PLEKHA5: variants seen among roughly 807,000 people sequenced by gnomAD.
PLEKHA5 encodes pleckstrin homology domain containing A5, also known as pleckstrin homology domain-containing family A member 5.
PLEKHA5 carries 55 observed loss-of-function variants against 181.9 expected under a neutral mutation model. The ratio of observed to expected loss-of-function variants is 0.30; its 90% CI spans 0.24 to 0.38. The LOEUF is 0.38. PLEKHA5 is among the 10% of genes least tolerant of loss of function. PLEKHA5 has a pLI of 1.00. For synonymous variants in PLEKHA5, 535 were observed against 529.4 expected (o/e 1.01, Z -0.15); for missense variants, 1,432 against 1,549.5 (o/e 0.92, Z 1.27).
chr12:19,239,526 G>GT (rs1565504159), intron 3 of PLEKHA5, among the ~76,000 whole-genome samples: 1 of 152,198 alleles, frequency 6.6e-6, no homozygotes, highest in Non-Finnish European at 1.5e-5. Context: ...TAAATTAGGT[G>GT]TTATGTGCAT....
At position 19,369,687 on chromosome 12, in the gene PLEKHA5, T is replaced by C; in HGVS notation, c.3755-6T>C. On this transcript the variant is annotated splice_polypyrimidine_tract_variant and splice_region_variant and intron_variant, in intron 30 of 31. Transcript: ENST00000429027. ...TATCTTCTCCCATTTTCTTTGTGTG[T>C]TTTAGTGAAAAGTCTGTCCCCATCT... 6.3e-7 allele frequency: 1 copy of C among 1,583,958 alleles called. No homozygotes were observed. Among genetic ancestry groups the C allele is most frequent in the Non-Finnish European group, 8.6e-7 (1 of 1,158,422 alleles).
chr12:19,246,038 G>A (rs548613790), intron 3 of PLEKHA5, among the ~76,000 whole-genome samples: 51 of 150,100 alleles, frequency 3.4e-4, no homozygotes, highest in African/African-American at 1.2e-3. Flanking sequence ...TAGTGTAGTG[G>A]CATGATCTTG....
At chr12:19,343,967 G>T (rs536268846) in intron 22 of PLEKHA5, among the ~76,000 whole-genome samples, 2 of 151,786 alleles carry the variant, frequency 1.3e-5, no homozygotes, top group East Asian at 1.9e-4. Context: ...CAGGAGAATC[G>T]CTTGAACCCG....
intron 21 of PLEKHA5, among the ~76,000 whole-genome samples, chr12:19,341,558 T>C (rs936817412): frequency 1.3e-5 from 2 of 152,112 alleles, no homozygotes; most frequent in Non-Finnish European, 1.5e-5. Flanking sequence ...TTTTTTACTT[T>C]TTGATGCTTC....
At chr12:19,191,936 T>A (rs1366783058) in intron 3 of PLEKHA5, among the ~76,000 whole-genome samples, 1 of 152,138 alleles carries the variant, frequency 6.6e-6, no homozygotes, top group Non-Finnish European at 1.5e-5. Flanking sequence ...GCTTTGGGTG[T>A]CACTTTTGTC....
At chr12:19,178,272 C>G (rs1416831342) in intron 3 of PLEKHA5, among the ~76,000 whole-genome samples, 1 of 152,188 alleles carries the variant, frequency 6.6e-6, no homozygotes, top group Non-Finnish European at 1.5e-5. Context: ...TTTGATTTTT[C>G]TCTTGTACAT....
In PLEKHA5 at chr12:19,260,940, T is replaced by C; in HGVS notation, c.538-9T>C. ...AGAAATAATCCTTAAATATGCTGATTTAATCCAGGACAGTACTGGCATGAA... is the reference window on the plus strand; with the variant it reads ...AGAAATAATCCTTAAATATGCTGATCTAATCCAGGACAGTACTGGCATGAA... On this transcript the variant is annotated splice_polypyrimidine_tract_variant and intron_variant, in intron 6 of 31. Transcript: ENST00000429027. The C allele has an allele frequency of 6.6e-7, 1 of 1,523,186 alleles. No individual in the cohort carries two copies. Among genetic ancestry groups the C allele is most frequent in the Non-Finnish European group, 9.0e-7 (1 of 1,114,224 alleles). 94.4% of individuals were successfully genotyped at this position (1,523,186 alleles called of 1,614,324 possible).
rs1338202660 is a variant in PLEKHA5 at position 19,287,499 on chromosome 12, A to G, written c.1806A>G (p.Ser602=). Residue 602 remains serine (S), a synonymous_variant, in exon 13 of 32, where the codon TCA becomes TCG. Coordinates refer to ENST00000429027, the MANE Select transcript of PLEKHA5 (RefSeq NM_001256470.2). ...PKHVYVPDRR[S]VPAGLTLQSV... is the part of the protein sequence containing the mutation. ...ATGTCTATGTGCCTGACAGAAGGTC[A>G]GTGCCAGCTGGCCTGACTTTACAGT... is the stretch of plus-strand genomic sequence containing the variant. 16 of 1,611,230 alleles carry G rather than the reference A, an allele frequency of 9.9e-6. No individual in the cohort carries two copies. The highest frequency in any genetic ancestry group is 2.2e-5 in the East Asian group (1 of 44,864).
chr12:19,225,836 G>T (rs1360629242), intron 3 of PLEKHA5, among the ~76,000 whole-genome samples: 1 of 152,144 alleles, frequency 6.6e-6, no homozygotes, highest in Non-Finnish European at 1.5e-5. Context: ...AGTCTTCTTA[G>T]AGGGCTGGAA....
At chr12:19,322,710 A>G in intron 20 of PLEKHA5, 43 bp downstream of exon 20, 1 of 1,406,208 alleles carries the variant, frequency 7.1e-7, no homozygotes, top group Admixed American at 1.9e-5. Context: ...TAGCTTAAAT[A>G]TGTAGTTCTA....
chr12:19,167,627 C>G (rs955316114), intron 3 of PLEKHA5, among the ~76,000 whole-genome samples: 8 of 151,958 alleles, frequency 5.3e-5, no homozygotes, highest in African/African-American at 1.9e-4. Flanking sequence ...TTGGCCTCTA[C>G]TGTGCACTAG....
Position 19,348,477 on chromosome 12 carries a change from A to G in PLEKHA5, c.2977A>G (p.Lys993Glu), listed in dbSNP as rs1292747284. Residue 993 changes from lysine to glutamate, a missense_variant, in exon 25 of 32, where the codon AAA becomes GAA. Physicochemically the swap from Lys to Glu is moderately conservative, Grantham distance 56. This residue lies in a region of PLEKHA5 where 1,143 missense variants were observed against 1,168.4 expected (regional missense o/e 0.98). Coordinates refer to ENST00000429027, the MANE Select transcript of PLEKHA5 (RefSeq NM_001256470.2). The part of the protein sequence containing the change: ...AEVDESNGEE[K>E]SEPVSEIETS... ...AGTTGATGAATCTAATGGAGAAGAA[A>G]AATCAGAACCTGTTTCAGAGATAGA... 1 of 1,585,908 alleles carries G rather than the reference A, an allele frequency of 6.3e-7. No individual in the cohort carries two copies. Among genetic ancestry groups the G allele is most frequent in the Non-Finnish European group, 8.5e-7 (1 of 1,169,784 alleles).
At chr12:19,374,006 G>C (rs2095651969) in intron 31 of PLEKHA5, among the ~76,000 whole-genome samples, 1 of 152,090 alleles carries the variant, frequency 6.6e-6, no homozygotes, top group South Asian at 2.1e-4. Flanking sequence ...ATATTTTCTA[G>C]TCTCATGGTA....
At chr12:19,254,475 A>T (rs2066286818) in intron 4 of PLEKHA5, among the ~76,000 whole-genome samples, 1 of 152,184 alleles carries the variant, frequency 6.6e-6, no homozygotes, top group African/African-American at 2.4e-5. Context: ...ATTCATTTTT[A>T]ATTTTTCAGT....
intron 3 of PLEKHA5, among the ~76,000 whole-genome samples, chr12:19,174,638 A>G (rs2046763879): frequency 1.3e-5 from 2 of 152,132 alleles, no homozygotes; most frequent in South Asian, 4.1e-4. Flanking sequence ...ATGAGCTGAT[A>G]CTTTGAGGGC....
chr12:19,349,738 CAG>C (rs1491499337), intron 25 of PLEKHA5, among the ~76,000 whole-genome samples: 6 of 140,274 alleles, frequency 4.3e-5, no homozygotes, highest in Non-Finnish European at 9.2e-5. Context: ...CAACCAGAAA[CAG>C]AAAAAAAAAA....
At chr12:19,366,350 A>C (rs1055203514) in intron 30 of PLEKHA5, among the ~76,000 whole-genome samples, 4 of 152,150 alleles carry the variant, frequency 2.6e-5, no homozygotes, top group Admixed American at 2.0e-4. Flanking sequence ...CACATAGAGT[A>C]AACTTTTTCT....
At chr12:19,183,653 G>A (rs2049119080) in intron 3 of PLEKHA5, among the ~76,000 whole-genome samples, 1 of 152,180 alleles carries the variant, frequency 6.6e-6, no homozygotes, top group Non-Finnish European at 1.5e-5. Context: ...CCATCTCTTG[G>A]TGTTTCAAGG....
chr12:19,357,846 C>T (rs908772260), intron 26 of PLEKHA5, among the ~76,000 whole-genome samples: 1 of 151,406 alleles, frequency 6.6e-6, no homozygotes, highest in Non-Finnish European at 1.5e-5. Flanking sequence ...TACCATGTTG[C>T]CCAGGCTGGT....
Sources: allele counts gnomAD v4.1 joint callset (sites outside exome capture counted in the v4.1 genomes callset), GRCh38; gene constraint gnomAD v4.1.1; regional missense constraint gnomAD v4.1.1; transcripts MANE v1.5; gene names NCBI Gene and HGNC (gene_info 2026-07-23, HGNC 2026-07-21).